The following LOC122455340 variants were observed in gnomAD, a reference collection of about 807,000 sequenced individuals.
the LOC122455340 span, chr12:53,242,210 C>T: frequency 3.0e-5 from 12 of 400,112 alleles, no homozygotes; most frequent in Middle Eastern, 6.2e-4. Context: ...GTCCCCATAA[C>T]TCCTGTGTCT....
At chr12:53,242,570 G>A in the LOC122455340 span, 2 of 397,258 alleles carry the variant, frequency 5.0e-6, no homozygotes, top group Non-Finnish European at 8.9e-6. Context: ...GCAGGTAGAG[G>A]CAGCTGGCTT....
chr12:53,242,301 T>C, the LOC122455340 span: 4 of 398,928 alleles, frequency 1.0e-5, no homozygotes, highest in South Asian at 1.3e-4. Flanking sequence ...AGCTGCCTGT[T>C]TGAGCTCCCG....
At chr12:53,242,587 G>A in the LOC122455340 span, 1 of 396,850 alleles carries the variant, frequency 2.5e-6, no homozygotes, top group Non-Finnish European at 4.4e-6. Flanking sequence ...GCTTTCCCCA[G>A]TCCTGGAGAG....
the LOC122455340 span, chr12:53,242,535 G>A: frequency 2.5e-6 from 1 of 397,760 alleles, no homozygotes; most frequent in Non-Finnish European, 4.4e-6. Context: ...GAGTGGGAGA[G>A]GGATCAGCTG....
chr12:53,242,504 C>CT, the LOC122455340 span: 1 of 398,056 alleles, frequency 2.5e-6, no homozygotes, highest in African/African-American at 2.1e-5. Flanking sequence ...GCTGCCCTGG[C>CT]AAGGAGGCAG....
At chr12:53,242,311 G>A in the LOC122455340 span, 76 of 398,708 alleles carry the variant, frequency 1.9e-4, no homozygotes, top group Non-Finnish European at 3.2e-4. Flanking sequence ...TTGAGCTCCC[G>A]TTTAGGCTGC....
At chr12:53,242,439 T>C in the LOC122455340 span, 1 of 393,644 alleles carries the variant, frequency 2.5e-6, no homozygotes, top group Admixed American at 4.5e-5. Flanking sequence ...TCTGATCATT[T>C]AGGTGGACTG....
At chr12:53,242,442 G>A in the LOC122455340 span, 13 of 395,364 alleles carry the variant, frequency 3.3e-5, no homozygotes, top group Admixed American at 5.8e-4. Flanking sequence ...GATCATTTAG[G>A]TGGACTGTTG....
chr12:53,241,903 C>G, the LOC122455340 span: 4 of 399,194 alleles, frequency 1.0e-5, no homozygotes, highest in Non-Finnish European at 1.8e-5. Flanking sequence ...AGCCCCCAGC[C>G]TGGCCACAAC....
chr12:53,242,338 G>A, the LOC122455340 span: 1 of 398,424 alleles, frequency 2.5e-6, no homozygotes, highest in Non-Finnish European at 4.4e-6. Context: ...AGCTGTAGCT[G>A]TGGCCAAGGG....
the LOC122455340 span, chr12:53,241,912 A>G: frequency 2.5e-6 from 1 of 398,256 alleles, no homozygotes; most frequent in Non-Finnish European, 4.4e-6. Flanking sequence ...CCTGGCCACA[A>G]CTGCAGCTGA....
chr12:53,242,524 G>A, the LOC122455340 span: 2 of 398,026 alleles, frequency 5.0e-6, no homozygotes, highest in East Asian at 7.1e-5. Flanking sequence ...GGAGCTGGGT[G>A]GAGTGGGAGA....
At chr12:53,242,633 G>T in the LOC122455340 span, 14 of 389,940 alleles carry the variant, frequency 3.6e-5, no homozygotes, top group African/African-American at 2.9e-4. Context: ...TTAGTTTCTG[G>T]ATGTGCTCCT....
the LOC122455340 span, chr12:53,242,611 T>A: frequency 2.3e-5 from 9 of 394,796 alleles, no homozygotes; most frequent in Admixed American, 1.8e-4. Context: ...GCAGGGGGAA[T>A]CTGCTTTGAA....
At chr12:53,242,712 G>A in the LOC122455340 span, 17 of 300,836 alleles carry the variant, frequency 5.7e-5, no homozygotes, top group South Asian at 1.6e-4. Context: ...CCTCCCCCAC[G>A]GCCCCTGAAG....
the LOC122455340 span, chr12:53,242,459 A>G: frequency 2.5e-6 from 1 of 398,152 alleles, no homozygotes; most frequent in African/African-American, 2.1e-5. Context: ...GTTGCCCACC[A>G]GGAGACTGTC....
At chr12:53,242,665 T>A in the LOC122455340 span, 1 of 369,464 alleles carries the variant, frequency 2.7e-6, no homozygotes, top group East Asian at 4.0e-5. Context: ...AACCTCTTCC[T>A]CTGCAACCTC....
the LOC122455340 span, chr12:53,242,103 C>G: frequency 7.5e-6 from 3 of 400,014 alleles, no homozygotes; most frequent in Admixed American, 4.4e-5. Flanking sequence ...CACTGCCTGT[C>G]CCTCTAGTGC....
At chr12:53,242,172 C>T in the LOC122455340 span, 55,985 of 401,268 alleles carry the variant, frequency 0.14, 5,711 homozygotes, top group African/African-American at 0.36. Flanking sequence ...CTCTTGCCCC[C>T]GCTGCCCTGC....
Sources: gnomAD v4.1 joint callset for allele counts on GRCh38, gnomAD v4.1.1 for gene constraint, MANE v1.5 for transcripts.